Variants in DSCAM observed in about 807,000 individuals in gnomAD.
DSCAM encodes DS cell adhesion molecule, also known as cell adhesion molecule DSCAM.
Under a neutral mutation model 217.7 loss-of-function variants are expected in DSCAM, and 47 were observed. The observed-to-expected ratio is 0.22, with a 90% confidence interval of 0.17 to 0.28. The LOEUF (loss-of-function observed/expected upper bound fraction) is 0.28. Ranked by LOEUF, DSCAM falls within the 10% of genes least tolerant of loss-of-function variation. The pLI, the probability that DSCAM is intolerant of heterozygous loss-of-function variation, is 1.00. For synonymous variants in DSCAM, 1,056 were observed against 1,015.3 expected (o/e 1.04, Z -0.76); for missense variants, 2,080 against 2,618.3 (o/e 0.79, Z 4.49).
chr21:40,555,246 G>C (rs1028566473), intron 3 of DSCAM, among the ~76,000 whole-genome samples: 1 of 152,098 alleles, frequency 6.6e-6, no homozygotes, highest in African/African-American at 2.4e-5. Context: ...TTTGCTTGGG[G>C]AACACAGGGA....
intron 10 of DSCAM, among the ~76,000 whole-genome samples, chr21:40,294,852 A>C: frequency 6.6e-6 from 1 of 152,214 alleles, no homozygotes; most frequent in Non-Finnish European, 1.5e-5. Context: ...TTATTTTTGA[A>C]GAAGTCCTTT....
intron 8 of DSCAM, among the ~76,000 whole-genome samples, chr21:40,314,980 G>GT (rs2074180153): frequency 6.6e-6 from 1 of 152,176 alleles, no homozygotes; most frequent in African/African-American, 2.4e-5. Flanking sequence ...GAAAAAACAG[G>GT]TAAGTTGAAA....
chr21:40,781,454 G>A (rs1314681505), intron 1 of DSCAM, among the ~76,000 whole-genome samples: 1 of 152,110 alleles, frequency 6.6e-6, no homozygotes, highest in Non-Finnish European at 1.5e-5. Flanking sequence ...TGAACAATGC[G>A]GATTTCAAGT....
chr21:40,444,226 C>T (rs2075656036), intron 3 of DSCAM, among the ~76,000 whole-genome samples: 1 of 151,940 alleles, frequency 6.6e-6, no homozygotes. Context: ...TTTGCCATTC[C>T]CTGAGGGTAT....
At chr21:40,040,510 T>A (rs533826918) in intron 32 of DSCAM, among the ~76,000 whole-genome samples, 1 of 152,180 alleles carries the variant, frequency 6.6e-6, no homozygotes, top group Admixed American at 6.5e-5. Context: ...GGTGGAAACA[T>A]AAAGTACTTA....
intron 1 of DSCAM, among the ~76,000 whole-genome samples, chr21:40,790,954 T>A (rs111502260): frequency 8.7e-5 from 13 of 150,062 alleles, no homozygotes; most frequent in African/African-American, 3.2e-4. Context: ...AGGTGGGTGG[T>A]TCACCTGAGG....
At chr21:40,030,014 G>A (rs544404201) in intron 32 of DSCAM, among the ~76,000 whole-genome samples, 100 of 151,742 alleles carry the variant, frequency 6.6e-4, no homozygotes, top group African/African-American at 2.2e-3. Context: ...ACACACATGC[G>A]TGCACACATA....
intron 2 of DSCAM, among the ~76,000 whole-genome samples, chr21:40,702,334 G>T (rs1210232691): frequency 6.6e-6 from 1 of 152,104 alleles, no homozygotes; most frequent in Admixed American, 6.5e-5. Context: ...GTATAAATAC[G>T]AGCTTATTGT....
rs373375016 is a variant in DSCAM at position 40,080,374 on chromosome 21, G to A, written c.4232-34C>T. ...AATGAGAAAGATTCACATGAGCACT[G>A]TGTTTGCTTTCTATGGGAAGTGGAC... On this transcript the variant is annotated intron_variant, in intron 24 of 32. Coordinates refer to ENST00000400454, the MANE Select transcript of DSCAM (RefSeq NM_001389.5). The A allele has an allele frequency of 1.9e-5, 28 of 1,504,936 alleles. No individual in the cohort carries two copies. The African/African-American group carries it at 3.6e-4, about 19-fold the overall frequency. The allele number at this position is 1,504,936 out of a possible 1,614,324, so 93.2% of individuals were successfully genotyped here. A position where few individuals can be genotyped will look rare whatever the true frequency, so the allele number is the denominator to read the frequency against.
chr21:40,742,617 T>C (rs925686198), intron 1 of DSCAM, among the ~76,000 whole-genome samples: 3 of 152,208 alleles, frequency 2.0e-5, no homozygotes, highest in African/African-American at 4.8e-5. Flanking sequence ...CTGATACATA[T>C]ACACAAATAA....
Position 40,051,970 on chromosome 21 carries a change from G to A in DSCAM, c.5173C>T (p.Arg1725Trp). 1.2e-6 allele frequency: 2 copies of A among 1,612,458 alleles called. No homozygotes were observed. Among genetic ancestry groups the A allele is most frequent in the South Asian group, 1.1e-5 (1 of 90,778 alleles). ...GTTGACCACTCACTCGTTCCCGGCC[G>A]AGCGTCTGAAACATCCACTAAGGGC... ...TGPLVDVSDA[R>W]PGTNPTTRRN... The change falls in exon 30 of 33, where the codon CGG (arginine) becomes TGG (tryptophan). Residue 1725 changes from arginine to tryptophan, a missense_variant. By Grantham distance (101) the Arg-to-Trp change is moderately radical. Transcript: ENST00000400454.
intron 16 of DSCAM, among the ~76,000 whole-genome samples, chr21:40,163,103 ACAC>A (rs1341936404): frequency 1.3e-5 from 2 of 151,564 alleles, no homozygotes; most frequent in African/African-American, 4.8e-5. Flanking sequence ...ACACACACAC[ACAC>A]AAGCATGCAC....
At chr21:40,350,741 TG>T (rs995434775) in intron 5 of DSCAM, among the ~76,000 whole-genome samples, 1 of 152,004 alleles carries the variant, frequency 6.6e-6, no homozygotes, top group Non-Finnish European at 1.5e-5. Context: ...GGGAACCACA[TG>T]AATTAAGGCA....
chr21:40,818,598 A>AAG (rs2091903330), intron 1 of DSCAM, among the ~76,000 whole-genome samples: 1 of 148,506 alleles, frequency 6.7e-6, no homozygotes, highest in South Asian at 2.2e-4. Context: ...AAAGTCACAT[A>AAG]AGATAGTTAT....
chr21:40,229,221 C>T (rs1233135287), intron 11 of DSCAM, among the ~76,000 whole-genome samples: 1 of 152,226 alleles, frequency 6.6e-6, no homozygotes, highest in Non-Finnish European at 1.5e-5. Context: ...AGCTTCCATT[C>T]ATCTCCAAAG....
chr21:40,423,373 T>C (rs968357924), intron 3 of DSCAM, among the ~76,000 whole-genome samples: 7 of 152,222 alleles, frequency 4.6e-5, no homozygotes, highest in South Asian at 2.1e-4. Context: ...ATTGAGAACA[T>C]GTATGTAAAC....
chr21:40,745,367 C>G (rs1346472395), intron 1 of DSCAM, among the ~76,000 whole-genome samples: 1 of 152,040 alleles, frequency 6.6e-6, no homozygotes, highest in Non-Finnish European at 1.5e-5. Flanking sequence ...ATCAAATTAT[C>G]AAAAAGCAAA....
chr21:40,079,835 C>T (rs2089427444), intron 25 of DSCAM, among the ~76,000 whole-genome samples: 1 of 152,136 alleles, frequency 6.6e-6, no homozygotes, highest in East Asian at 1.9e-4. Context: ...GAGAAGGGCG[C>T]CTCCAAACGG....
At chr21:40,583,242 A>T in intron 3 of DSCAM, among the ~76,000 whole-genome samples, 1 of 152,230 alleles carries the variant, frequency 6.6e-6, no homozygotes, top group East Asian at 1.9e-4. Context: ...GCCAGTACAC[A>T]TTGTACCATC....
Sources: allele counts gnomAD v4.1 joint callset (sites outside exome capture counted in the v4.1 genomes callset), GRCh38; gene constraint gnomAD v4.1.1; transcripts MANE v1.5; gene names NCBI Gene and HGNC (gene_info 2026-07-23, HGNC 2026-07-21).